Variants in CDH23 observed in about 807,000 individuals in gnomAD.
CDH23 encodes the protein cadherin-23.
A neutral mutation model predicts 317.1 loss-of-function variants in CDH23; 189 were observed. The observed-to-expected ratio is 0.60, with a 90% CI of 0.53 to 0.67. The LOEUF (loss-of-function observed/expected upper bound fraction) is 0.67, where lower values mean the gene tolerates loss of function less well. CDH23 is among the 30% of genes least tolerant of loss of function. The pLI, the probability that CDH23 is intolerant of heterozygous loss-of-function variation, is 0.00. For missense variants in CDH23, 4,401 were observed against 4,592.4 expected, an observed-to-expected ratio of 0.96 and a Z score of 1.20; for synonymous variants, 1,839 against 1,876.8, an observed-to-expected ratio of 0.98 and a Z score of 0.52.
chr10:71,438,350 A>G (rs1849717110), intron 1 of CDH23, among the ~76,000 whole-genome samples: 1 of 72,220 alleles, frequency 1.4e-5, no homozygotes, highest in Non-Finnish European at 2.9e-5. Flanking sequence ...TCTCAAACAA[A>G]AAAAAAAAAA....
At chr10:71,674,464 G>A (rs931250530) in intron 14 of CDH23, among the ~76,000 whole-genome samples, 5 of 152,226 alleles carry the variant, frequency 3.3e-5, no homozygotes, top group Admixed American at 6.5e-5. Flanking sequence ...CTTTCCCTAC[G>A]GGCATCTGGT....
At chr10:71,775,815 G>A (rs920012180) in intron 38 of CDH23, among the ~76,000 whole-genome samples, 2 of 152,126 alleles carry the variant, frequency 1.3e-5, no homozygotes, top group Non-Finnish European at 2.9e-5. Context: ...CCAAATATTC[G>A]AATAAAGATG....
At chr10:71,657,661 C>A (rs1332310571) in intron 14 of CDH23, among the ~76,000 whole-genome samples, 1 of 152,180 alleles carries the variant, frequency 6.6e-6, no homozygotes, top group Non-Finnish European at 1.5e-5. Context: ...AGAAGCTGGA[C>A]TTCCAGAGCC....
chr10:71,789,132 A>G (rs1841177296), intron 45 of CDH23, 90 bp downstream of exon 45: 3 of 713,206 alleles, frequency 4.2e-6, no homozygotes, highest in Non-Finnish European at 7.6e-6. Context: ...GCCTAACGGC[A>G]TAGCTGAACC....
intron 6 of CDH23, among the ~76,000 whole-genome samples, chr10:71,538,443 G>T (rs1326228297): frequency 6.6e-6 from 1 of 152,076 alleles, no homozygotes; most frequent in Non-Finnish European, 1.5e-5. Flanking sequence ...GAAAACTGAG[G>T]CCCAGACGAG....
intron 9 of CDH23, among the ~76,000 whole-genome samples, chr10:71,613,843 G>T (rs1239534679): frequency 6.6e-6 from 1 of 152,192 alleles, no homozygotes; most frequent in Non-Finnish European, 1.5e-5. Context: ...ACGTGGAATC[G>T]GTGTCCATCC....
rs139665523 is a variant in CDH23, at chr10:71,475,935, G to A, written c.145+29540G>A. 7.7e-4 allele frequency among the ~76,000 whole-genome samples: 117 copies of A among 152,358 alleles called. 2 individuals are homozygous for A. In the East Asian group the frequency reaches 0.021, roughly 27 times the overall value. ...ATCTGCCATGTGGCCTAGGCAGGTT[G>A]GCTGCCCTCCCTGGGCCTCAGTTTC... On this transcript the variant is annotated intron_variant, in intron 3 of 69. Coordinates refer to ENST00000224721, the MANE Select transcript of CDH23 (RefSeq NM_022124.6).
chr10:71,800,103 C>T (rs1048247070), intron 52 of CDH23, among the ~76,000 whole-genome samples: 4 of 152,182 alleles, frequency 2.6e-5, no homozygotes, highest in African/African-American at 4.8e-5. Context: ...TGTGGAAGAC[C>T]AGAAATTCAG....
intron 9 of CDH23, among the ~76,000 whole-genome samples, chr10:71,579,060 A>G (rs1858442417): frequency 6.6e-6 from 1 of 152,186 alleles, no homozygotes; most frequent in Non-Finnish European, 1.5e-5. Context: ...TACCTACTTC[A>G]AGGTGATGTA....
At chr10:71,620,158 C>G (rs1861394569) in intron 11 of CDH23, among the ~76,000 whole-genome samples, 1 of 152,150 alleles carries the variant, frequency 6.6e-6, no homozygotes, top group Non-Finnish European at 1.5e-5. Flanking sequence ...TAAGTACCAG[C>G]TCTTCTGTGC....
intron 6 of CDH23, among the ~76,000 whole-genome samples, chr10:71,516,398 C>T (rs530290562): frequency 3.9e-5 from 6 of 152,344 alleles, no homozygotes; most frequent in East Asian, 1.9e-4. Flanking sequence ...GCCGAAGCCA[C>T]GCCTCCTGGC....
Position 71,712,706 on chromosome 10 carries a change from G to C in CDH23, c.3262G>C (p.Val1088Leu). The C allele has an allele frequency of 1.2e-6, 2 of 1,613,722 alleles. No homozygotes were observed. The highest frequency in any genetic ancestry group is 1.7e-6 in the Non-Finnish European group (2 of 1,179,882). Reference protein sequence around the residue: ...VGKRHTGTATVFVTVLDVNDN... With the variant: ...VGKRHTGTATLFVTVLDVNDN... ...GAAGCGACACACGGGCACAGCCACC[G>C]TGTTCGTCACTGTCCTGGATGTGAA... Residue 1088 changes from valine (V) to leucine (L), a missense_variant, in exon 28 of 70, where the codon GTG becomes CTG. This residue lies in a region of CDH23 where 3,068 missense variants were observed against 3,203.3 expected (regional missense o/e 0.96). Transcript: ENST00000224721.
chr10:71,494,202 C>T (rs1159208616), intron 3 of CDH23, among the ~76,000 whole-genome samples: 1 of 152,188 alleles, frequency 6.6e-6, no homozygotes, highest in Non-Finnish European at 1.5e-5. Context: ...AGTCAACAGG[C>T]TCTGAGTGAG....
At chr10:71,592,354 C>T (rs1398088768) in intron 9 of CDH23, among the ~76,000 whole-genome samples, 1 of 140,648 alleles carries the variant, frequency 7.1e-6, no homozygotes. Context: ...ATGCCACTAA[C>T]TTAGTGGCTT....
chr10:71,577,998 A>T lies in CDH23; in HGVS notation c.832+6A>T. 1 of 1,590,348 alleles carries T rather than the reference A, an allele frequency of 6.3e-7. No homozygotes were observed. The highest frequency in any genetic ancestry group is 8.6e-7 in the Non-Finnish European group (1 of 1,168,518). ...TGGCTACACCATCGTTTCAGGTAAG[A>T]CAGAAGGCTGCCCCTCTCTCCTCTC... On this transcript the variant is annotated splice_donor_region_variant and intron_variant, in intron 9 of 69. Transcript: ENST00000224721.
chr10:71,408,226 C>G (rs1848199674), intron 1 of CDH23, among the ~76,000 whole-genome samples: 1 of 152,138 alleles, frequency 6.6e-6, no homozygotes, highest in African/African-American at 2.4e-5. Context: ...ATTTATTAAG[C>G]ACCTACTGTT....
chr10:71,704,861 C>A, intron 24 of CDH23, 50 bp from the exon 25 acceptor site: 1 of 1,398,810 alleles, frequency 7.1e-7, no homozygotes, highest in South Asian at 1.2e-5. Flanking sequence ...GGAGAAGCAT[C>A]CATCCCAGTG....
At chr10:71,641,459 C>G (rs1252646686) in intron 11 of CDH23, among the ~76,000 whole-genome samples, 1 of 152,214 alleles carries the variant, frequency 6.6e-6, no homozygotes, top group South Asian at 2.1e-4. Flanking sequence ...CTGCCTGGGA[C>G]TCCAAGCTTC....
intron 1 of CDH23, among the ~76,000 whole-genome samples, chr10:71,410,886 A>AC (rs1220481044): frequency 1.3e-5 from 2 of 152,156 alleles, no homozygotes; most frequent in Non-Finnish European, 2.9e-5. Flanking sequence ...CTGTTGTTGG[A>AC]CTGGCGGGTT....
Sources: gnomAD v4.1 joint callset for allele counts (sites outside exome capture counted in the v4.1 genomes callset) on GRCh38, gnomAD v4.1.1 for gene constraint, gnomAD v4.1.1 regional missense constraint, MANE v1.5 for transcripts, NCBI Gene and HGNC (gene_info 2026-07-23, HGNC 2026-07-21) for gene names.